The following FAM135B variants were observed in gnomAD, a reference collection of about 807,000 sequenced individuals.
The protein encoded by FAM135B is family with sequence similarity 135 member B.
FAM135B carries 43 observed loss-of-function variants against 127.7 expected under a neutral mutation model. The observed-to-expected ratio is 0.34, with a 90% CI of 0.26 to 0.43. The LOEUF is 0.43. Ranked by LOEUF, FAM135B falls within the 20% of genes least tolerant of loss-of-function variation. The probability of loss-of-function intolerance (pLI) is 1.00; values close to 1 mark genes in which losing one functional copy is unlikely to be tolerated. For synonymous variants in FAM135B, 670 were observed against 665.1 expected (o/e 1.01, Z -0.11); for missense variants, 1,558 against 1,725.6 (o/e 0.90, Z 1.72).
At chr8:138,422,384 C>T (rs1834565145) in intron 1 of FAM135B, among the ~76,000 whole-genome samples, 1 of 152,050 alleles carries the variant, frequency 6.6e-6, no homozygotes, top group African/African-American at 2.4e-5. Context: ...TAATAAGGGT[C>T]TAATATCTAG....
intron 2 of FAM135B, among the ~76,000 whole-genome samples, chr8:138,324,438 G>A (rs1208565985): frequency 2.0e-5 from 3 of 152,150 alleles, no homozygotes; most frequent in African/African-American, 4.8e-5. Flanking sequence ...AAAGCCATTT[G>A]CCATTTTTGC....
intron 7 of FAM135B, among the ~76,000 whole-genome samples, chr8:138,209,981 A>T (rs1433692515): frequency 6.6e-6 from 1 of 152,230 alleles, no homozygotes; most frequent in Non-Finnish European, 1.5e-5. Flanking sequence ...GAGAAAAGAG[A>T]TAATGAAAAT....
chr8:138,257,492 T>A (rs183926069), intron 4 of FAM135B, among the ~76,000 whole-genome samples: 1 of 152,198 alleles, frequency 6.6e-6, no homozygotes, highest in East Asian at 1.9e-4. Context: ...GTACCCCTAG[T>A]TCTCTTTTTC....
rs1817135077 is a variant in FAM135B at position 138,141,407 on chromosome 8, G to A, written c.3639-58C>T. 5.1e-6 allele frequency: 8 copies of A among 1,565,592 alleles called. No homozygotes were observed. The highest frequency in any genetic ancestry group is 7.0e-6 in the Non-Finnish European group (8 of 1,139,194). ...TGACGGTGAATGCTGCTGCCCAAGA[G>A]TGCAGTGCTGGAAGCATCAGGGGCC... On this transcript the variant is annotated intron_variant, in intron 16 of 19. Transcript: ENST00000395297. The surrounding 1 kb of genome is among the most constrained non-coding windows in gnomAD (Gnocchi z 4.7).
At chr8:138,388,209 C>A (rs1483642656) in intron 1 of FAM135B, among the ~76,000 whole-genome samples, 1 of 152,102 alleles carries the variant, frequency 6.6e-6, no homozygotes, top group Admixed American at 6.6e-5. Context: ...CACTACATGT[C>A]GATTAGAAGT....
At chr8:138,369,697 C>G (rs994851357) in intron 1 of FAM135B, among the ~76,000 whole-genome samples, 1 of 152,150 alleles carries the variant, frequency 6.6e-6, no homozygotes, top group Admixed American at 6.5e-5. Context: ...ACCCGAGGCT[C>G]AATTTTAATC....
rs754877550 is a variant in FAM135B, at chr8:138,310,881, C to T, written c.117G>A (p.Arg39=). 3.7e-6 allele frequency: 6 copies of T among 1,613,848 alleles called. No individual in the cohort carries two copies. The highest frequency in any genetic ancestry group is 2.7e-5 in the African/African-American group (2 of 75,066). Residue 39 remains arginine (R), a synonymous_variant, in exon 3 of 20, where the codon AGG becomes AGA. Transcript: ENST00000395297. ...QIRVTLKVSS[R]IPHRLSASIA... is the part of the protein sequence containing the mutation. The stretch of plus-strand genomic sequence containing the variant: ...TGGAGGCACTCAGTCTGTGGGGGAT[C>T]CTTGAAGACACCTTCAAGGTCACTC...
intron 1 of FAM135B, among the ~76,000 whole-genome samples, chr8:138,452,053 T>C (rs973441013): frequency 6.7e-6 from 1 of 149,874 alleles, no homozygotes; most frequent in East Asian, 2.0e-4. Context: ...TTTGTAGGCA[T>C]AAAAGTCACA....
intron 3 of FAM135B, among the ~76,000 whole-genome samples, chr8:138,291,361 C>T (rs1317273178): frequency 6.6e-6 from 1 of 152,106 alleles, no homozygotes; most frequent in African/African-American, 2.4e-5. Flanking sequence ...ATCACACAAG[C>T]ATTTATACAA....
intron 3 of FAM135B, among the ~76,000 whole-genome samples, chr8:138,267,587 C>T (rs1274144609): frequency 7.6e-6 from 1 of 132,382 alleles, no homozygotes; most frequent in African/African-American, 2.9e-5. Context: ...AAAAAAAAAA[C>T]AGCCCAACTA....
intron 3 of FAM135B, among the ~76,000 whole-genome samples, chr8:138,280,366 T>C (rs1194344197): frequency 1.3e-5 from 2 of 151,728 alleles, no homozygotes; most frequent in Non-Finnish European, 2.9e-5. Context: ...CCAGATGGCC[T>C]GTTCTCCTGG....
At chr8:138,153,757 T>G (rs978212888) in intron 12 of FAM135B, among the ~76,000 whole-genome samples, 32 of 152,252 alleles carry the variant, frequency 2.1e-4, no homozygotes, top group African/African-American at 6.7e-4. Context: ...CCACCATTGC[T>G]GAGGCTTGAG....
At chr8:138,145,318 C>T (rs1315827665) in intron 15 of FAM135B, among the ~76,000 whole-genome samples, 2 of 152,078 alleles carry the variant, frequency 1.3e-5, no homozygotes. Context: ...GCCCAGCCAT[C>T]CTCTCTGAAT....
At chr8:138,216,001 C>T (rs1421018034) in intron 7 of FAM135B, among the ~76,000 whole-genome samples, 3 of 152,154 alleles carry the variant, frequency 2.0e-5, no homozygotes, top group Admixed American at 2.0e-4. Context: ...AAGCGATATT[C>T]ATTTCCAATA....
At chr8:138,390,363 C>A (rs1044168438) in intron 1 of FAM135B, among the ~76,000 whole-genome samples, 2 of 152,106 alleles carry the variant, frequency 1.3e-5, no homozygotes, top group African/African-American at 4.8e-5. Context: ...TAAGGGGAAA[C>A]CCCTTTTTGC....
intron 6 of FAM135B, among the ~76,000 whole-genome samples, chr8:138,247,426 T>G (rs1048067244): frequency 1.3e-5 from 2 of 152,204 alleles, no homozygotes; most frequent in African/African-American, 4.8e-5. Context: ...CAAGATCTGA[T>G]GGTTTTATAA....
At chr8:138,452,750 G>A (rs1836568169) in intron 1 of FAM135B, among the ~76,000 whole-genome samples, 1 of 152,266 alleles carries the variant, frequency 6.6e-6, no homozygotes, top group South Asian at 2.1e-4. Context: ...TAGGGCTACT[G>A]TCATCTCAAG....
At chr8:138,402,707 C>T (rs1339315978) in intron 1 of FAM135B, among the ~76,000 whole-genome samples, 1 of 152,176 alleles carries the variant, frequency 6.6e-6, no homozygotes, top group Non-Finnish European at 1.5e-5. Context: ...AACTGCTGTT[C>T]TCAGTCACTA....
At chr8:138,406,077 G>T (rs1013171739) in intron 1 of FAM135B, among the ~76,000 whole-genome samples, 2 of 147,656 alleles carry the variant, frequency 1.4e-5, no homozygotes, top group South Asian at 2.2e-4. Context: ...CTCCTTTCTT[G>T]TAAATTTGTT....
Sources: allele counts gnomAD v4.1 joint callset (sites outside exome capture counted in the v4.1 genomes callset), GRCh38; gene constraint gnomAD v4.1.1; non-coding constraint Gnocchi (gnomAD v3.1); transcripts MANE v1.5; gene names NCBI Gene and HGNC (gene_info 2026-07-23, HGNC 2026-07-21).